Variants in MMS19 observed in about 807,000 individuals in gnomAD.
MMS19 encodes the protein MMS19 nucleotide excision repair protein homolog.
In MMS19, 77 loss-of-function variants were observed where a neutral mutation model predicts 129.8. The ratio of observed to expected loss-of-function variants is 0.59; its 90% CI spans 0.49 to 0.72. The LOEUF is 0.72. MMS19 is among the 30% of genes least tolerant of loss of function. The pLI is 0.00. For missense variants in MMS19, 1,168 were observed against 1,266.3 expected, an observed-to-expected ratio of 0.92 and a Z score of 1.18; for synonymous variants, 491 against 502.8, an observed-to-expected ratio of 0.98 and a Z score of 0.31.
Position 97,461,562 on chromosome 10 carries a change from T to G in MMS19, c.2245A>C (p.Ser749Arg), listed in dbSNP as rs1413110780. 1 of 1,603,104 alleles carries G rather than the reference T, an allele frequency of 6.2e-7. No homozygotes were observed. The highest frequency in any genetic ancestry group is 1.7e-5 in the Admixed American group (1 of 58,212). ...GCAGCGGTGGAAGAAAAGGGGCAGC[T>G]GTGGCAGCAGCTCAGTTCCAAAAGC... ...RELLELSCCHSCPFSSTAAAK... is the reference protein window; with the variant it reads ...RELLELSCCHRCPFSSTAAAK... Residue 749 changes from serine to arginine, a missense_variant, in exon 23 of 31, where the codon AGC becomes CGC. Ser to Arg is a moderately radical substitution (Grantham distance 110, BLOSUM62 -1). Transcript: ENST00000438925.
At chr10:97,470,373 G>GC (rs888392079) in intron 9 of MMS19, among the ~76,000 whole-genome samples, 170 bp from the exon 10 acceptor site, 3 of 152,206 alleles carry the variant, frequency 2.0e-5, no homozygotes, top group African/African-American at 7.2e-5. Context: ...AGTGACCAGA[G>GC]CCCCACTACC....
chr10:97,484,096 C>T lies in MMS19; in HGVS notation c.161+7G>A, dbSNP rs1396832142. 6.5e-7 allele frequency: 1 copy of T among 1,536,844 alleles called. No individual in the cohort carries two copies. Among genetic ancestry groups the T allele is most frequent in the South Asian group, 1.2e-5 (1 of 83,430 alleles). ...GGAGAAGAACATTCTATAGCAGAGGCTCTTACCCAAGGGCTTCCACAACTT... is the reference window on the plus strand; with the variant it reads ...GGAGAAGAACATTCTATAGCAGAGGTTCTTACCCAAGGGCTTCCACAACTT... On this transcript the variant is annotated splice_region_variant and intron_variant, in intron 2 of 30. Transcript: ENST00000438925.
In MMS19 at chr10:97,470,109, C is replaced by T; in HGVS notation, c.846+20G>A. 1 of 1,572,482 alleles carries T rather than the reference C, an allele frequency of 6.4e-7. No individual in the cohort carries two copies. The highest frequency in any genetic ancestry group is 1.1e-5 in the South Asian group (1 of 87,516). On this transcript the variant is annotated intron_variant, in intron 10 of 30. Transcript: ENST00000438925. The stretch of plus-strand genomic sequence containing the variant: ...CTTGTCAAAAGGTAGCTGGGTCCTG[C>T]AAGGAGAAAAATCACTCACCAGAGT...
chr10:97,493,769 C>A (rs991253738), intron 1 of MMS19, among the ~76,000 whole-genome samples: 5 of 152,202 alleles, frequency 3.3e-5, no homozygotes, highest in African/African-American at 1.2e-4. Context: ...AATCTCAGCA[C>A]TTTGGGAGGC....
chr10:97,468,333 T>C lies in MMS19; in HGVS notation c.1137A>G (p.Ala379=), dbSNP rs1274780225. The C allele has an allele frequency of 6.2e-7, 1 of 1,612,980 alleles. No homozygotes were observed. Among genetic ancestry groups the C allele is most frequent in the Non-Finnish European group, 8.5e-7 (1 of 1,179,314 alleles). ...WPSAKLLQAA[A]GASARACDSV... is the part of the protein sequence containing the mutation. ...AGTCACAGGCCCGGGCAGATGCACC[T>C]GCAGCTGCCTGCAACAGCTTGGCAC... Residue 379 remains alanine, a synonymous_variant, in exon 13 of 31, where the codon GCA becomes GCG. Transcript: ENST00000438925.
At chr10:97,498,621 A>C, upstream of MMS19, 1 of 506,904 alleles carries the variant, frequency 2.0e-6, no homozygotes, top group Non-Finnish European at 3.5e-6. Flanking sequence ...AGGGCGAATA[A>C]TTCCCAGCCC....
Position 97,466,098 on chromosome 10 carries a change from T to C in MMS19, c.1567A>G (p.Ser523Gly), listed in dbSNP as rs749897258. 1.2e-6 allele frequency: 2 copies of C among 1,608,252 alleles called. No individual in the cohort carries two copies. The highest frequency in any genetic ancestry group is 1.7e-6 in the Non-Finnish European group (2 of 1,177,068). ...TCAGCGAGCTTGGGTACGAGGTGGC[T>C]GCTGAAGGCCACAGGGTAGAGAGCA... Reference protein sequence around the residue: ...LAALYPVAFSSHLVPKLAEEL... With the variant: ...LAALYPVAFSGHLVPKLAEEL... The change falls in exon 17 of 31, where the codon AGC (serine) becomes GGC (glycine). Residue 523 changes from serine (S) to glycine (G), a missense_variant. Coordinates refer to ENST00000438925, the MANE Select transcript of MMS19 (RefSeq NM_022362.5).
chr10:97,467,828 TA>T, intron 13 of MMS19, among the ~76,000 whole-genome samples: 1 of 149,788 alleles, frequency 6.7e-6, no homozygotes. Flanking sequence ...CTTATCCAGC[TA>T]ATTTTTTTTT....
At chr10:97,466,199 C>T (rs1424847986) in intron 16 of MMS19, 40 bp from the exon 17 acceptor site, 2 of 1,486,330 alleles carry the variant, frequency 1.3e-6, no homozygotes, top group Non-Finnish European at 9.2e-7. Context: ...TGAGCCTGGG[C>T]TCACAGCTCT....
chr10:97,493,409 C>T (rs552365555), intron 1 of MMS19, among the ~76,000 whole-genome samples: 2 of 151,988 alleles, frequency 1.3e-5, no homozygotes, highest in Admixed American at 6.6e-5. Context: ...AGGCCCTGTT[C>T]GCTACAAAAA....
chr10:97,478,370 G>T lies in MMS19; in HGVS notation c.282C>A (p.Phe94Leu). ...LEKEVVHLIL[F>L]YENRLKDHHL... ...GATGGTCCTTCAGCCGGTTCTCATA[G>T]AACAGTATCAGGTGTACCACTGCAC... The change falls in exon 4 of 31, where the codon TTC (phenylalanine) becomes TTA (leucine). Residue 94 changes from phenylalanine (F) to leucine (L), a missense_variant. Phe to Leu is a conservative substitution (Grantham distance 22, BLOSUM62 0). Transcript: ENST00000438925. The T allele has an allele frequency of 1.9e-6, 3 of 1,605,500 alleles. No homozygotes were observed. The highest frequency in any genetic ancestry group is 2.6e-6 in the Non-Finnish European group (3 of 1,176,002).
chr10:97,489,608 T>C (rs759724142), intron 1 of MMS19, among the ~76,000 whole-genome samples: 1 of 152,222 alleles, frequency 6.6e-6, no homozygotes, highest in Admixed American at 6.5e-5. Flanking sequence ...CAGATTTCAA[T>C]AGTTTCTCCA....
intron 1 of MMS19, among the ~76,000 whole-genome samples, chr10:97,487,610 C>T (rs1300022952): frequency 3.3e-5 from 5 of 151,970 alleles, no homozygotes; most frequent in African/African-American, 4.8e-5. Context: ...TGAGCCACCG[C>T]GCCTGGCCTA....
At chr10:97,465,700 A>G (rs934176830) in intron 18 of MMS19, 105 bp downstream of exon 18, 4 of 1,138,604 alleles carry the variant, frequency 3.5e-6, no homozygotes, top group Non-Finnish European at 5.0e-6. Flanking sequence ...CTTTTAAAAG[A>G]GTTGATTCTG....
At chr10:97,485,284 A>G (rs2037620000) in intron 1 of MMS19, among the ~76,000 whole-genome samples, 1 of 151,820 alleles carries the variant, frequency 6.6e-6, no homozygotes, top group East Asian at 1.9e-4. Context: ...GCCTGCCACC[A>G]CGCCTGGCTA....
chr10:97,470,852 C>G lies in MMS19; in HGVS notation c.694G>C (p.Asp232His), dbSNP rs1467624495. ...TCTTCTCTCTGGATACCATGGGGATCATTAGGTGGCTGGAAAAGGGAGAAG... is the reference window on the plus strand; with the variant it reads ...TCTTCTCTCTGGATACCATGGGGATGATTAGGTGGCTGGAAAAGGGAGAAG... Reference protein sequence around the residue: ...FPIDFTPPPNDPHGIQREDLI... With the variant: ...FPIDFTPPPNHPHGIQREDLI... The change falls in exon 9 of 31, where the codon GAT becomes CAT. Residue 232 changes from aspartate to histidine, a missense_variant. By Grantham distance (81) the Asp-to-His change is moderately conservative (BLOSUM62 -1). This residue lies in a region of MMS19 where 329 missense variants were observed against 328.6 expected (regional missense o/e 1.00). Coordinates refer to ENST00000438925, the MANE Select transcript of MMS19 (RefSeq NM_022362.5). 3 of 1,613,408 alleles carry G rather than the reference C, an allele frequency of 1.9e-6. No homozygotes were observed. The African/African-American group carries it at 4.0e-5, about 22-fold the overall frequency.
At chr10:97,493,885 C>T (rs1421109028) in intron 1 of MMS19, among the ~76,000 whole-genome samples, 2 of 152,056 alleles carry the variant, frequency 1.3e-5, no homozygotes, top group Non-Finnish European at 2.9e-5. Context: ...TGTGGTGATG[C>T]ATGCTTGTGA....
rs1469426982 is a variant in MMS19 at position 97,461,889 on chromosome 10, G to A, written c.2123C>T (p.Ser708Phe). Residue 708 changes from serine (S) to phenylalanine (F), a missense_variant, in exon 22 of 31, where the codon TCC (serine) becomes TTC (phenylalanine). Around this residue, in one of 3 missense-constraint regions of MMS19, gnomAD observed 831 missense variants for 910.8 expected, o/e 0.91. Transcript: ENST00000438925. The part of the protein sequence containing the change: ...PSRFQPFQDG[S>F]SGQRRLIALL... ...TGCAATCAGCCGCCTCTGCCCTGAG[G>A]AGCCATCCTATAAAGGAAGGAGAGC... The A allele has an allele frequency of 1.9e-6, 3 of 1,604,904 alleles. No homozygotes were observed. Among genetic ancestry groups the A allele is most frequent in the East Asian group, 2.2e-5 (1 of 44,548 alleles).
chr10:97,498,456 C>A (rs562528648), upstream of MMS19: 27 of 1,529,518 alleles, frequency 1.8e-5, no homozygotes, highest in East Asian at 6.6e-4. Flanking sequence ...ATGCGCCTCC[C>A]GAGCCAATCT....
Sources: gnomAD v4.1 joint callset for allele counts (sites outside exome capture counted in the v4.1 genomes callset) on GRCh38, gnomAD v4.1.1 for gene constraint, gnomAD v4.1.1 regional missense constraint, MANE v1.5 for transcripts, NCBI Gene and HGNC (gene_info 2026-07-23, HGNC 2026-07-21) for gene names.